Variants in ZNF518A observed in about 807,000 individuals in gnomAD.
The protein encoded by ZNF518A is zinc finger protein 518.
In ZNF518A, 47 loss-of-function variants were observed where a neutral mutation model predicts 102.7. The observed-to-expected ratio is 0.46, with a 90% CI of 0.36 to 0.58. ZNF518A has a LOEUF of 0.58. ZNF518A is among the 20% of genes least tolerant of loss of function. ZNF518A has a pLI of 0.00. For synonymous variants in ZNF518A, 652 were observed against 594.6 expected, an observed-to-expected ratio of 1.10 and a Z score of -1.40; for missense variants, 1,793 against 1,699.8, an observed-to-expected ratio of 1.05 and a Z score of -0.96.
downstream of ZNF518A, chr10:96,204,927 GA>G: frequency 2.8e-6 from 1 of 361,472 alleles, no homozygotes. Flanking sequence ...GTGGAAGCCA[GA>G]AGATGAGAAC....
intron 1 of ZNF518A, among the ~76,000 whole-genome samples, chr10:96,170,299 T>C (rs587731236): frequency 6.6e-6 from 1 of 152,332 alleles, no homozygotes; most frequent in South Asian, 2.1e-4. Context: ...CTGCTAATAT[T>C]TTAAACATTA....
chr10:96,171,145 C>T (rs2133883153), intron 1 of ZNF518A, among the ~76,000 whole-genome samples: 1 of 152,148 alleles, frequency 6.6e-6, no homozygotes, highest in South Asian at 2.1e-4. Flanking sequence ...CAATAGGTTA[C>T]ATGTAATGTT....
chr10:96,149,875 A>G (rs1403494896), intron 3 of ZNF518A, among the ~76,000 whole-genome samples: 2 of 152,090 alleles, frequency 1.3e-5, no homozygotes, highest in African/African-American at 4.8e-5. Context: ...TATGTAGTAT[A>G]TTTTCTGAAT....
chr10:96,182,001 C>T (rs1004212369), intron 1 of ZNF518A, among the ~76,000 whole-genome samples: 2 of 152,132 alleles, frequency 1.3e-5, no homozygotes, highest in Admixed American at 1.3e-4. Flanking sequence ...TTTGTGTCCT[C>T]TTTTATTTCA....
In ZNF518A at chr10:96,159,729, C is replaced by T. The variant is rs1554886423; in HGVS notation, c.3407C>T (p.Pro1136Leu). ...STYQNIQPKK[P>L]EGTPQRILLK... ...TATCAAAATATACAGCCAAAGAAACCTGAAGGAACACCACAAAGAATATTG... is the reference window on the plus strand; with the variant it reads ...TATCAAAATATACAGCCAAAGAAACTTGAAGGAACACCACAAAGAATATTG... Residue 1136 changes from proline (P) to leucine (L), a missense_variant, in exon 6 of 6, where the codon CCT becomes CTT. Pro to Leu is a moderately conservative substitution (Grantham distance 98, BLOSUM62 -3). Around this residue, in one of 3 missense-constraint regions of ZNF518A, gnomAD observed 1,741 missense variants for 1,622.6 expected, o/e 1.07. Transcript: ENST00000316045. 1 of 1,613,194 alleles carries T rather than the reference C, an allele frequency of 6.2e-7. No homozygotes were observed. The highest frequency in any genetic ancestry group is 1.1e-5 in the South Asian group (1 of 91,076).
intron 1 of ZNF518A, among the ~76,000 whole-genome samples, chr10:96,171,040 AGAT>A (rs1417182136): frequency 6.6e-6 from 1 of 151,556 alleles, no homozygotes; most frequent in East Asian, 1.9e-4. Flanking sequence ...AAAAAAACCC[AGAT>A]GATGAGGCCA....
At chr10:96,148,197 T>C (rs2082257652) in intron 3 of ZNF518A, among the ~76,000 whole-genome samples, 1 of 152,186 alleles carries the variant, frequency 6.6e-6, no homozygotes, top group South Asian at 2.1e-4. Context: ...CCCAGCACTT[T>C]GGGAGGCCGA....
At position 96,158,418 on chromosome 10, in the gene ZNF518A, CTA is replaced by C. The variant is rs782533804; in HGVS notation, c.2098_2099del (p.Ile700Ter). 6.2e-7 allele frequency: 1 copy of C among 1,613,384 alleles called. No homozygotes were observed. The highest frequency in any genetic ancestry group is 1.3e-5 in the African/African-American group (1 of 75,008). On this transcript the variant is annotated frameshift_variant, in exon 6 of 6. Transcript: ENST00000316045. LOFTEE classifies it high-confidence loss of function. ...TCAAAACCAGATAGCCTATTAGCAT[CTA>C]TTAGCCTTTTAAATGATAAAGATGG...
downstream of ZNF518A, among the ~76,000 whole-genome samples, chr10:96,165,486 AAAAC>A (rs1356895402): frequency 1.6e-3 from 217 of 138,964 alleles, 1 homozygote; most frequent in East Asian, 0.025. Context: ...AAAAAAAAAA[AAAAC>A]AGACACCAAA....
intron 1 of ZNF518A, among the ~76,000 whole-genome samples, chr10:96,178,360 G>A (rs1215465183): frequency 1.3e-5 from 2 of 152,056 alleles, no homozygotes; most frequent in African/African-American, 4.8e-5. Flanking sequence ...TAACCCATGA[G>A]TTAAAGAAGA....
In ZNF518A at chr10:96,201,118, C is replaced by G; in HGVS notation, n.36-2456C>G. ...TCATATTTCTTGAACTCTTTCTATGCCTATCCCCTAACACTGTACTAGGTG... is the reference window on the plus strand; with the variant it reads ...TCATATTTCTTGAACTCTTTCTATGGCTATCCCCTAACACTGTACTAGGTG... On this transcript the variant is annotated intron_variant and non_coding_transcript_variant, in intron 1 of 2. Coordinates refer to the ZNF518A transcript ENST00000442635. 7.0e-6 allele frequency: 10 copies of G among 1,427,888 alleles called. No homozygotes were observed. In the South Asian group the frequency reaches 1.1e-4, roughly 16 times the overall value. The allele number at this position is 1,427,888 out of a possible 1,614,324, so 88.5% of individuals were successfully genotyped here. A position where few individuals can be genotyped will look rare whatever the true frequency, so the allele number is the denominator to read the frequency against.
intron 3 of ZNF518A, among the ~76,000 whole-genome samples, chr10:96,137,691 A>G (rs587658598): frequency 3.9e-5 from 6 of 152,268 alleles, no homozygotes; most frequent in South Asian, 4.1e-4. Context: ...TGGATGTGTT[A>G]TAGAATCTTG....
chr10:96,133,872 G>A (rs2081462481), intron 3 of ZNF518A, among the ~76,000 whole-genome samples: 1 of 152,164 alleles, frequency 6.6e-6, no homozygotes, highest in Admixed American at 6.5e-5. Flanking sequence ...TGAGTAGAGA[G>A]CAGTAGAGCT....
chr10:96,201,790 T>C (rs1324095592), intron 1 of ZNF518A, among the ~76,000 whole-genome samples: 1 of 152,146 alleles, frequency 6.6e-6, no homozygotes, highest in African/African-American at 2.4e-5. Context: ...CTGCCATGGA[T>C]CAAAGGCATT....
chr10:96,171,237 G>A (rs1320044492), intron 1 of ZNF518A, among the ~76,000 whole-genome samples: 2 of 152,114 alleles, frequency 1.3e-5, no homozygotes, highest in African/African-American at 2.4e-5. Flanking sequence ...TTTATACAAG[G>A]ATGTTAATAG....
At position 96,157,197 on chromosome 10, in the gene ZNF518A, A is replaced by C. The variant is rs1554883118; in HGVS notation, c.875A>C (p.Lys292Thr). ...TTGCACAAAGAACATTTATATGCAAAAGAAAAACTGGAAAAAGACAAATAT... is the reference window on the plus strand; with the variant it reads ...TTGCACAAAGAACATTTATATGCAACAGAAAAACTGGAAAAAGACAAATAT... Reference protein sequence around the residue: ...ITLHKEHLYAKEKLEKDKYEK... With the variant: ...ITLHKEHLYATEKLEKDKYEK... Residue 292 changes from lysine (K) to threonine (T), a missense_variant, in exon 6 of 6, where the codon AAA becomes ACA. Coordinates refer to ENST00000316045, the MANE Select transcript of ZNF518A (RefSeq NM_001330736.2). The C allele has an allele frequency of 6.2e-7, 1 of 1,611,000 alleles. No homozygotes were observed. The highest frequency in any genetic ancestry group is 8.5e-7 in the Non-Finnish European group (1 of 1,178,758).
chr10:96,148,981 C>T (rs1255536318), intron 3 of ZNF518A, among the ~76,000 whole-genome samples: 1 of 152,106 alleles, frequency 6.6e-6, no homozygotes, highest in South Asian at 2.1e-4. Flanking sequence ...TCCCAGAGTG[C>T]TGGGATTACA....
intron 3 of ZNF518A, chr10:96,151,295 G>A (rs2082438238): frequency 6.6e-6 from 1 of 152,180 alleles, no homozygotes; most frequent in South Asian, 2.1e-4. Flanking sequence ...TTCTTACAGT[G>A]TAGAGATAAT....
intron 1 of ZNF518A, among the ~76,000 whole-genome samples, chr10:96,191,052 G>A (rs1243012641): frequency 6.6e-6 from 1 of 152,032 alleles, no homozygotes; most frequent in East Asian, 1.9e-4. Flanking sequence ...ACGCGGGCAG[G>A]TTTTCCCATG....
Sources: allele counts gnomAD v4.1 joint callset (sites outside exome capture counted in the v4.1 genomes callset), GRCh38; gene constraint gnomAD v4.1.1; regional missense constraint gnomAD v4.1.1; transcripts MANE v1.5; gene names NCBI Gene and HGNC (gene_info 2026-07-23, HGNC 2026-07-21).